TBC1D32: variants seen among roughly 807,000 people sequenced by gnomAD.
TBC1D32 encodes the protein protein broad-minded.
TBC1D32 carries 151 observed loss-of-function variants against 170.3 expected under a neutral mutation model. That is an observed-to-expected ratio of 0.89 (90% CI 0.78 to 1.01). The LOEUF (loss-of-function observed/expected upper bound fraction) is 1.01, where lower values mean the gene tolerates loss of function less well. TBC1D32 is among the 50% of genes least tolerant of loss of function. TBC1D32 has a pLI of 0.00. For synonymous variants in TBC1D32, 498 were observed against 488.0 expected (o/e 1.02, Z -0.27); for missense variants, 1,464 against 1,457.1 (o/e 1.00, Z -0.08).
At chr6:121,134,944 G>A (rs1781871441) in intron 24 of TBC1D32, among the ~76,000 whole-genome samples, 1 of 147,946 alleles carries the variant, frequency 6.8e-6, no homozygotes, top group South Asian at 2.1e-4. Flanking sequence ...TCAGCCATAG[G>A]CAGACAGAGA....
chr6:121,131,581 T>G, intron 25 of TBC1D32, 46 bp downstream of exon 25: 2 of 1,567,628 alleles, frequency 1.3e-6, no homozygotes, highest in Non-Finnish European at 1.7e-6. Flanking sequence ...TCTATTAATA[T>G]AATTTTCATA....
At chr6:121,181,749 A>C (rs534970048) in intron 22 of TBC1D32, among the ~76,000 whole-genome samples, 1 of 152,260 alleles carries the variant, frequency 6.6e-6, no homozygotes, top group East Asian at 1.9e-4. Context: ...CAAATAAATA[A>C]AGAAAACGTA....
rs888267773 is a variant in TBC1D32 at position 121,193,181 on chromosome 6, T to C, written c.2570+11894A>G. On this transcript the variant is annotated intron_variant, in intron 22 of 31. Transcript: ENST00000398212. ...GCTGAATTTATTGATTTAGGTCCAC[T>C]AAGTAGGGACTCTGCATTTAATGTT... Among the ~76,000 whole-genome samples the C allele has an allele frequency of 5.3e-5, 8 of 152,202 alleles. No homozygotes were observed. In the East Asian group the frequency reaches 1.5e-3, roughly 29 times the overall value.
rs972716621 is a variant in TBC1D32 at position 121,148,546 on chromosome 6, T to C, written c.2773+11464A>G. 5.3e-5 allele frequency among the ~76,000 whole-genome samples: 8 copies of C among 152,300 alleles called. No homozygotes were observed. The East Asian group carries it at 1.5e-3, about 29-fold the overall frequency. ...AAATGCTATTTCCAGTTCTATATCC[T>C]TGAGGAATTGCCACACCATCTTCCA... On this transcript the variant is annotated intron_variant, in intron 24 of 31. Coordinates refer to ENST00000398212, the MANE Select transcript of TBC1D32 (RefSeq NM_152730.6).
chr6:121,225,017 T>G, intron 20 of TBC1D32, among the ~76,000 whole-genome samples: 1 of 152,096 alleles, frequency 6.6e-6, no homozygotes, highest in East Asian at 1.9e-4. Context: ...TGCCATTTAA[T>G]GAATGCCTCT....
chr6:121,255,528 T>G (rs941770349), intron 16 of TBC1D32, 118 bp from the exon 17 acceptor site: 1 of 247,332 alleles, frequency 4.0e-6, no homozygotes, highest in Non-Finnish European at 7.2e-6. Context: ...ATTTTATATT[T>G]CTTACTGATA....
At chr6:121,085,306 TATAC>T (rs1442327171) in intron 31 of TBC1D32, among the ~76,000 whole-genome samples, 1 of 145,640 alleles carries the variant, frequency 6.9e-6, no homozygotes, top group South Asian at 2.1e-4. Context: ...CATACATATA[TATAC>T]ATATATACAC....
intron 20 of TBC1D32, among the ~76,000 whole-genome samples, chr6:121,229,650 G>A (rs746342311): frequency 6.6e-5 from 10 of 151,948 alleles, no homozygotes; most frequent in East Asian, 3.9e-4. Flanking sequence ...ATTAATTCTC[G>A]CAGACTGCAA....
In TBC1D32 at chr6:121,255,421, G is replaced by T. The variant is rs868488279; in HGVS notation, c.1936-11C>A. ...TGATAGCAAACTTGTCTAAAAAATA[G>T]TAGAATAATTTATATTGCTTACTGA... is the stretch of plus-strand genomic sequence containing the variant. On this transcript the variant is annotated splice_polypyrimidine_tract_variant and intron_variant, in intron 16 of 31. Coordinates refer to ENST00000398212, the MANE Select transcript of TBC1D32 (RefSeq NM_152730.6). The T allele has an allele frequency of 1.2e-5, 16 of 1,373,580 alleles. No homozygotes were observed. In the Middle Eastern group the frequency reaches 2.9e-3, roughly 250 times the overall value. 85.1% of individuals were successfully genotyped at this position (1,373,580 alleles called of 1,614,324 possible).
chr6:121,292,233 T>C, intron 11 of TBC1D32, 40 bp from the exon 12 acceptor site: 1 of 1,546,888 alleles, frequency 6.5e-7, no homozygotes, highest in Non-Finnish European at 8.8e-7. Context: ...TTTAGTATCA[T>C]TATATTTTAC....
intron 24 of TBC1D32, among the ~76,000 whole-genome samples, chr6:121,147,079 T>A (rs1281294075): frequency 6.6e-6 from 1 of 152,202 alleles, no homozygotes; most frequent in African/African-American, 2.4e-5. Flanking sequence ...GTATTTGGTT[T>A]TCTGTTCTTG....
intron 1 of TBC1D32, among the ~76,000 whole-genome samples, chr6:121,328,500 G>C (rs894000574): frequency 6.6e-6 from 1 of 151,906 alleles, no homozygotes; most frequent in Admixed American, 6.6e-5. Context: ...TAGCCAGGAT[G>C]GTCTCGATCT....
chr6:121,308,209 T>C lies in TBC1D32; in HGVS notation c.565-108A>G, dbSNP rs998249319. 9 of 1,104,442 alleles carry C rather than the reference T, an allele frequency of 8.1e-6. No homozygotes were observed. The African/African-American group carries it at 1.3e-4, about 16-fold the overall frequency. The allele number at this position is 1,104,442 out of a possible 1,614,324, so 68.4% of individuals were successfully genotyped here. ...TAAAAGGTAAAGTCTGGATAATTTA[T>C]AAAGAATGATTTATCAGATGCCTTT... On this transcript the variant is annotated intron_variant, in intron 4 of 31. Coordinates refer to ENST00000398212, the MANE Select transcript of TBC1D32 (RefSeq NM_152730.6).
chr6:121,283,136 AT>A (rs1803275631), intron 13 of TBC1D32, among the ~76,000 whole-genome samples: 2 of 151,594 alleles, frequency 1.3e-5, no homozygotes, highest in East Asian at 1.9e-4. Flanking sequence ...ATCCCAAACC[AT>A]TTTTTTCTTT....
Position 121,198,072 on chromosome 6 carries a change from C to T in TBC1D32, c.2570+7003G>A, listed in dbSNP as rs541817345. Among the ~76,000 whole-genome samples, 10 of 146,338 alleles carry T rather than the reference C, an allele frequency of 6.8e-5. 1 individual carries two copies. The highest frequency in any genetic ancestry group is 2.8e-4 in the African/African-American group (10 of 36,268). ...TTCAGTTTTGAGAGTTGGACCGGCT[C>T]TCCTTGCTCCTCAAGTTTGCAGACA... On this transcript the variant is annotated intron_variant, in intron 22 of 31. Transcript: ENST00000398212.
intron 21 of TBC1D32, among the ~76,000 whole-genome samples, chr6:121,219,128 G>A (rs986598621): frequency 2.0e-5 from 3 of 152,166 alleles, no homozygotes; most frequent in Admixed American, 2.0e-4. Context: ...CCAGATTATG[G>A]TGGCTTCCAT....
intron 25 of TBC1D32, among the ~76,000 whole-genome samples, chr6:121,129,280 A>G (rs972094920): frequency 6.6e-6 from 1 of 152,200 alleles, no homozygotes. Flanking sequence ...AAGAAATTAC[A>G]CTTTATTATA....
intron 22 of TBC1D32, among the ~76,000 whole-genome samples, chr6:121,184,624 T>C (rs758530471): frequency 7.9e-5 from 12 of 151,882 alleles, no homozygotes; most frequent in Non-Finnish European, 1.3e-4. Flanking sequence ...GTTCAGATAG[T>C]CTATCACTTG....
At position 121,243,789 on chromosome 6, in the gene TBC1D32, G is replaced by T. The variant is rs371173429; in HGVS notation, c.2019-1450C>A. ...AAAATAAAATAGTAAAAACAACTAT[G>T]TTTGAAGACCAAAAAAAAAACACAG... is the stretch of plus-strand genomic sequence containing the variant. On this transcript the variant is annotated intron_variant, in intron 17 of 31. Coordinates refer to ENST00000398212, the MANE Select transcript of TBC1D32 (RefSeq NM_152730.6). Among the ~76,000 whole-genome samples, 3 of 150,280 alleles carry T rather than the reference G, an allele frequency of 2.0e-5. No homozygotes were observed. The East Asian group carries it at 5.9e-4, about 29-fold the overall frequency.
Sources: allele counts gnomAD v4.1 joint callset (sites outside exome capture counted in the v4.1 genomes callset), GRCh38; gene constraint gnomAD v4.1.1; transcripts MANE v1.5; gene names NCBI Gene and HGNC (gene_info 2026-07-23, HGNC 2026-07-21).